Variants in CCDC13 observed in about 807,000 individuals in gnomAD.
The protein encoded by CCDC13 is coiled-coil domain containing 13.
In CCDC13, 70 loss-of-function variants were observed where a neutral mutation model predicts 87.3. The ratio of observed to expected loss-of-function variants is 0.80; its 90% CI spans 0.66 to 0.98. The LOEUF is 0.98. CCDC13 is among the 50% of genes least tolerant of loss of function. The probability of loss-of-function intolerance (pLI) is 0.00; values close to 1 mark genes in which losing one functional copy is unlikely to be tolerated. For synonymous variants in CCDC13, 317 were observed against 360.3 expected, an observed-to-expected ratio of 0.88 and a Z score of 1.36; for missense variants, 842 against 892.0, an observed-to-expected ratio of 0.94 and a Z score of 0.71.
chr3:42,723,211 T>A (rs1357970563), intron 13 of CCDC13, among the ~76,000 whole-genome samples: 1 of 152,214 alleles, frequency 6.6e-6, no homozygotes, highest in African/African-American at 2.4e-5. Context: ...AAAACTCCCT[T>A]TCCTGTAACA....
intron 5 of CCDC13, chr3:42,749,910 G>A (rs545664990): frequency 2.2e-4 from 99 of 456,710 alleles, no homozygotes; most frequent in African/African-American, 1.9e-3. Flanking sequence ...TGTGGATTGA[G>A]CCTGCAGGCC....
At position 42,739,658 on chromosome 3, in the gene CCDC13, A is replaced by G; in HGVS notation, c.1140T>C (p.Asp380=). 6.2e-7 allele frequency: 1 copy of G among 1,614,112 alleles called. No homozygotes were observed. Among genetic ancestry groups the G allele is most frequent in the Non-Finnish European group, 8.5e-7 (1 of 1,179,992 alleles). Residue 380 remains aspartate (D), a synonymous_variant, in exon 9 of 16, where the codon GAT becomes GAC. Coordinates refer to ENST00000310232, the MANE Select transcript of CCDC13 (RefSeq NM_144719.4). ...CCATGAGGGCGTCGATGAGCTCGTCATCATGCCGGCCCTTCTCCACCAGGG... is the reference window on the plus strand; with the variant it reads ...CCATGAGGGCGTCGATGAGCTCGTCGTCATGCCGGCCCTTCTCCACCAGGG... ...MGTLVEKGRH[D]DELIDALMDQ...
intron 3 of CCDC13, among the ~76,000 whole-genome samples, 179 bp from the exon 4 acceptor site, chr3:42,752,896 T>C (rs924741293): frequency 1.3e-5 from 2 of 152,160 alleles, no homozygotes; most frequent in Admixed American, 1.3e-4. Flanking sequence ...CCAACTCCAA[T>C]GAGTGGAAAT....
intron 1 of CCDC13, among the ~76,000 whole-genome samples, chr3:42,760,398 CCG>C (rs1699806081): frequency 6.6e-6 from 1 of 151,936 alleles, no homozygotes; most frequent in South Asian, 2.1e-4. Flanking sequence ...GGGTGGATCA[CCG>C]GAGTTCAGAA....
intron 13 of CCDC13, chr3:42,714,187 T>A (rs1698378601): frequency 6.6e-6 from 1 of 152,260 alleles, no homozygotes; most frequent in Admixed American, 6.5e-5. Flanking sequence ...GATATTTCTC[T>A]GCTTTTAAGG....
chr3:42,757,529 C>G (rs932639935), intron 2 of CCDC13, among the ~76,000 whole-genome samples: 8 of 152,104 alleles, frequency 5.3e-5, no homozygotes, highest in Non-Finnish European at 1.2e-4. Flanking sequence ...GCCTAGGCAA[C>G]AAAGAAAGAC....
intron 14 of CCDC13, 89 bp downstream of exon 14, chr3:42,713,073 A>G: frequency 6.9e-7 from 1 of 1,441,512 alleles, no homozygotes; most frequent in South Asian, 1.3e-5. Context: ...ATGCTCACTG[A>G]TGGGCTGAAC....
chr3:42,768,032 G>A (rs182640639), intron 1 of CCDC13, among the ~76,000 whole-genome samples: 87 of 151,890 alleles, frequency 5.7e-4, no homozygotes, highest in African/African-American at 2.1e-3. Flanking sequence ...TGGTATTGGT[G>A]AAGAAACAGA....
chr3:42,752,774 A>C (rs1363943954), intron 3 of CCDC13, 57 bp from the exon 4 acceptor site: 238 of 1,586,362 alleles, frequency 1.5e-4, no homozygotes, highest in Non-Finnish European at 1.8e-4. Context: ...CATCAAACTC[A>C]TGCTCCACCA....
intron 13 of CCDC13, among the ~76,000 whole-genome samples, chr3:42,717,339 T>C (rs993025152): frequency 1.3e-5 from 2 of 151,736 alleles, no homozygotes; most frequent in Non-Finnish European, 1.5e-5. Flanking sequence ...GACAGAAGAA[T>C]TGCTTGAATC....
At chr3:42,710,102 CTT>C (rs869136555) in intron 14 of CCDC13, among the ~76,000 whole-genome samples, 1 of 144,832 alleles carries the variant, frequency 6.9e-6, no homozygotes, top group African/African-American at 2.6e-5. Flanking sequence ...AATTTGTTTT[CTT>C]TTTTTTTTCT....
intron 15 of CCDC13, among the ~76,000 whole-genome samples, chr3:42,709,429 G>A (rs552879547): frequency 4.2e-4 from 64 of 152,328 alleles, no homozygotes; most frequent in Non-Finnish European, 6.8e-4. Context: ...AAGGTTTAAC[G>A]TAGTGAGAAA....
chr3:42,772,288 A>AGGAAT (rs1193529153), intron 1 of CCDC13, among the ~76,000 whole-genome samples: 1 of 81,782 alleles, frequency 1.2e-5, no homozygotes, highest in Non-Finnish European at 2.5e-5. Context: ...AAAAAAAAAA[A>AGGAAT]AAGTAATAAT....
chr3:42,731,231 C>A (rs910744778), intron 12 of CCDC13, among the ~76,000 whole-genome samples: 1 of 151,682 alleles, frequency 6.6e-6, no homozygotes, highest in Non-Finnish European at 1.5e-5. Context: ...CCCAGTGAGA[C>A]CCTGAGCTTA....
intron 15 of CCDC13, 69 bp from the exon 16 acceptor site, chr3:42,709,208 C>T (rs1698244857): frequency 6.7e-7 from 1 of 1,491,864 alleles, no homozygotes; most frequent in East Asian, 2.4e-5. Context: ...GACAGAGGGC[C>T]CTGGGAATGT....
intron 1 of CCDC13, among the ~76,000 whole-genome samples, chr3:42,769,601 CCA>C (rs889304884): frequency 2.0e-5 from 3 of 152,288 alleles, no homozygotes; most frequent in Non-Finnish European, 4.4e-5. Context: ...GCCTTGGCGC[CCA>C]CTCTGGCGGT....
At chr3:42,729,545 A>G (rs1256509233) in intron 13 of CCDC13, among the ~76,000 whole-genome samples, 1 of 152,156 alleles carries the variant, frequency 6.6e-6, no homozygotes, top group Non-Finnish European at 1.5e-5. Flanking sequence ...GTGCCCTCAC[A>G]TGTGGGGTGG....
chr3:42,710,888 C>T (rs1277520785), intron 14 of CCDC13, among the ~76,000 whole-genome samples: 2 of 152,076 alleles, frequency 1.3e-5, no homozygotes, highest in Non-Finnish European at 2.9e-5. Context: ...ACTAGAGCTG[C>T]CCTGGATGGG....
intron 13 of CCDC13, among the ~76,000 whole-genome samples, chr3:42,718,693 C>T (rs1053498813): frequency 2.6e-5 from 4 of 152,036 alleles, no homozygotes; most frequent in Admixed American, 6.6e-5. Context: ...CTGGTGACCA[C>T]GGAAGCGACT....
Sources: gnomAD v4.1 joint callset for allele counts (sites outside exome capture counted in the v4.1 genomes callset) on GRCh38, gnomAD v4.1.1 for gene constraint, MANE v1.5 for transcripts, NCBI Gene and HGNC (gene_info 2026-07-23, HGNC 2026-07-21) for gene names.